PTPRD: variants seen among roughly 807,000 people sequenced by gnomAD.
PTPRD encodes the protein protein tyrosine phosphatase receptor type D.
Under a neutral mutation model 214.5 loss-of-function variants are expected in PTPRD, and 34 were observed. The ratio of observed to expected loss-of-function variants is 0.16; its 90% CI spans 0.12 to 0.21. The LOEUF is 0.21. Ranked by LOEUF, PTPRD falls within the 10% of genes least tolerant of loss-of-function variation. The pLI, the probability that PTPRD is intolerant of heterozygous loss-of-function variation, is 1.00. For synonymous variants in PTPRD, 1,128 were observed against 845.7 expected (o/e 1.33, Z -5.79); for missense variants, 2,545 against 2,398.7 (o/e 1.06, Z -1.27).
At chr9:8,456,155 T>C (rs147099181) in intron 33 of PTPRD, among the ~76,000 whole-genome samples, 93 of 152,282 alleles carry the variant, frequency 6.1e-4, no homozygotes, top group African/African-American at 2.2e-3. Context: ...GGCACTCTAC[T>C]AGGCAGTAGC....
rs141780093 is a variant in PTPRD at position 9,182,418 on chromosome 9, A to G, written c.-143+886T>C. On this transcript the variant is annotated intron_variant, in intron 10 of 45. Coordinates refer to ENST00000381196, the MANE Select transcript of PTPRD (RefSeq NM_002839.4). ...GCTAACGAACTTTTAAACCTCACAG[A>G]CTTTATTTAGAAAGTTTGTATTTAG... is the stretch of plus-strand genomic sequence containing the variant. 6.5e-4 allele frequency among the ~76,000 whole-genome samples: 99 copies of G among 152,158 alleles called. 1 individual carries two copies. The highest frequency in any genetic ancestry group is 2.0e-3 in the African/African-American group (83 of 41,552).
At chr9:8,881,948 G>C (rs951872473) in intron 11 of PTPRD, among the ~76,000 whole-genome samples, 1 of 152,180 alleles carries the variant, frequency 6.6e-6, no homozygotes, top group Admixed American at 6.5e-5. Context: ...TTCTCACCAA[G>C]AACCATGTTT....
intron 2 of PTPRD, among the ~76,000 whole-genome samples, chr9:10,377,221 C>G (rs1348911648): frequency 6.6e-6 from 1 of 151,960 alleles, no homozygotes; most frequent in Non-Finnish European, 1.5e-5. Flanking sequence ...CATGTTGTTG[C>G]AAATGACAGG....
intron 5 of PTPRD, among the ~76,000 whole-genome samples, chr9:9,769,102 G>A (rs542911319): frequency 6.6e-6 from 1 of 151,380 alleles, no homozygotes; most frequent in South Asian, 2.1e-4. Flanking sequence ...TAAGACTTCA[G>A]AAGACAAAAA....
intron 10 of PTPRD, among the ~76,000 whole-genome samples, chr9:9,156,925 T>C (rs375476513): frequency 7.7e-4 from 118 of 152,350 alleles, no homozygotes; most frequent in African/African-American, 2.7e-3. Flanking sequence ...ATGTAATTCC[T>C]GCCTAGGCAG....
intron 9 of PTPRD, among the ~76,000 whole-genome samples, chr9:9,221,397 A>C (rs1289884535): frequency 6.6e-6 from 1 of 152,082 alleles, no homozygotes; most frequent in Non-Finnish European, 1.5e-5. Context: ...AAACAATAAC[A>C]TCTGTATTAG....
intron 11 of PTPRD, among the ~76,000 whole-genome samples, chr9:8,901,884 A>C (rs976385): frequency 0.19 from 28,952 of 152,062 alleles, 3,401 homozygotes; most frequent in African/African-American, 0.31. Flanking sequence ...CCTTCTCTGA[A>C]ATTCCAGACA....
intron 11 of PTPRD, among the ~76,000 whole-genome samples, chr9:8,918,727 T>C (rs1217022863): frequency 6.6e-6 from 1 of 152,176 alleles, no homozygotes; most frequent in African/African-American, 2.4e-5. Flanking sequence ...GGAAGAAATA[T>C]TGTATATTTC....
At chr9:9,135,538 G>A (rs558517740) in intron 10 of PTPRD, among the ~76,000 whole-genome samples, 1 of 152,216 alleles carries the variant, frequency 6.6e-6, no homozygotes, top group East Asian at 1.9e-4. Flanking sequence ...GAAAGAAAAT[G>A]GCTTTCAATG....
intron 5 of PTPRD, among the ~76,000 whole-genome samples, chr9:9,788,409 G>A (rs1198852153): frequency 2.0e-5 from 3 of 151,554 alleles, no homozygotes; most frequent in East Asian, 2.0e-4. Context: ...AAAATTACCC[G>A]GGCATGGTGG....
At chr9:8,976,786 C>T (rs16928701) in intron 11 of PTPRD, among the ~76,000 whole-genome samples, 4,223 of 152,090 alleles carry the variant, frequency 0.028, 184 homozygotes, top group African/African-American at 0.096. Context: ...GAGAGTATTC[C>T]TAAATGGAGG....
At chr9:9,447,646 G>C (rs2090886940) in intron 8 of PTPRD, among the ~76,000 whole-genome samples, 1 of 151,968 alleles carries the variant, frequency 6.6e-6, no homozygotes, top group South Asian at 2.1e-4. Context: ...TGAGAAACCT[G>C]CACATGTACC....
chr9:10,363,991 GTTTTTTTT>G (rs71270610), intron 2 of PTPRD, among the ~76,000 whole-genome samples: 1 of 35,128 alleles, frequency 2.8e-5, no homozygotes, highest in African/African-American at 1.2e-4. Context: ...ACATTTTCGG[GTTTTTTTT>G]TTTTTTTTTT....
At chr9:8,346,269 T>C (rs964443028) in intron 39 of PTPRD, among the ~76,000 whole-genome samples, 5 of 152,118 alleles carry the variant, frequency 3.3e-5, no homozygotes, top group Admixed American at 2.0e-4. Flanking sequence ...AGCCAATCCT[T>C]ACATTTTCAG....
At chr9:9,752,375 T>C (rs1011572689) in intron 6 of PTPRD, among the ~76,000 whole-genome samples, 1 of 152,044 alleles carries the variant, frequency 6.6e-6, no homozygotes, top group Admixed American at 6.6e-5. Flanking sequence ...AGATAGTCTG[T>C]GACCTTCATT....
At chr9:9,409,904 T>C (rs2074821087) in intron 8 of PTPRD, among the ~76,000 whole-genome samples, 1 of 152,164 alleles carries the variant, frequency 6.6e-6, no homozygotes, top group African/African-American at 2.4e-5. Context: ...TGGTCTAACA[T>C]TGAATCTAAA....
At chr9:9,265,213 A>T (rs1157994839) in intron 9 of PTPRD, among the ~76,000 whole-genome samples, 1 of 151,680 alleles carries the variant, frequency 6.6e-6, no homozygotes, top group African/African-American at 2.4e-5. Flanking sequence ...ATTGAAAATA[A>T]ATATAGCTAC....
intron 2 of PTPRD, among the ~76,000 whole-genome samples, chr9:10,449,549 G>T (rs961199060): frequency 1.6e-4 from 25 of 151,786 alleles, no homozygotes; most frequent in Non-Finnish European, 1.5e-4. Context: ...AGTCTGGGAA[G>T]TGAGGAGCGT....
At chr9:9,580,138 C>G (rs77422511) in intron 7 of PTPRD, among the ~76,000 whole-genome samples, 3,542 of 152,154 alleles carry the variant, frequency 0.023, 152 homozygotes, top group African/African-American at 0.08. Flanking sequence ...TATTTCATAA[C>G]TTTGCTATTG....
Sources: allele counts gnomAD v4.1 joint callset (sites outside exome capture counted in the v4.1 genomes callset), GRCh38; gene constraint gnomAD v4.1.1; transcripts MANE v1.5; gene names NCBI Gene and HGNC (gene_info 2026-07-23, HGNC 2026-07-21).